Variants in PLEKHA7 observed in about 807,000 individuals in gnomAD.
PLEKHA7 encodes the protein pleckstrin homology domain-containing family A member 7.
A neutral mutation model predicts 170.0 loss-of-function variants in PLEKHA7; 104 were observed. That is an observed-to-expected ratio of 0.61 (90% CI 0.52 to 0.72). The LOEUF is 0.72. PLEKHA7 is among the 30% of genes least tolerant of loss of function. PLEKHA7 has a pLI of 0.00. For synonymous variants in PLEKHA7, 648 were observed against 660.8 expected (o/e 0.98, Z 0.30); for missense variants, 1,615 against 1,671.7 (o/e 0.97, Z 0.59).
chr11:16,956,159 G>C (rs75278841), intron 3 of PLEKHA7, among the ~76,000 whole-genome samples: 1 of 152,068 alleles, frequency 6.6e-6, no homozygotes, highest in Non-Finnish European at 1.5e-5. Flanking sequence ...GAGTATGTAC[G>C]TATGTGTGTG....
intron 3 of PLEKHA7, among the ~76,000 whole-genome samples, chr11:16,927,988 G>A (rs189161260): frequency 6.8e-4 from 103 of 152,216 alleles, no homozygotes; most frequent in African/African-American, 2.4e-3. Context: ...TGTGTGGAGG[G>A]GGAAGGGGGG....
intron 4 of PLEKHA7, among the ~76,000 whole-genome samples, chr11:16,863,922 G>C (rs534704187): frequency 6.6e-6 from 1 of 152,332 alleles, no homozygotes; most frequent in South Asian, 2.1e-4. Flanking sequence ...AAGATAAAAG[G>C]TTTGAGAACA....
intron 3 of PLEKHA7, among the ~76,000 whole-genome samples, chr11:16,888,623 T>C (rs1447033171): frequency 6.6e-6 from 1 of 152,228 alleles, no homozygotes; most frequent in African/African-American, 2.4e-5. Context: ...ATGTGCTTTG[T>C]TAAACAGATG....
chr11:16,814,864 G>A (rs1337615787), intron 12 of PLEKHA7, among the ~76,000 whole-genome samples: 1 of 152,182 alleles, frequency 6.6e-6, no homozygotes, highest in African/African-American at 2.4e-5. Context: ...CAGTGGCCAC[G>A]GGGGCAACAA....
intron 3 of PLEKHA7, among the ~76,000 whole-genome samples, chr11:16,973,931 C>G (rs916504215): frequency 1.3e-5 from 2 of 152,230 alleles, no homozygotes; most frequent in African/African-American, 4.8e-5. Flanking sequence ...CCAGGACATT[C>G]CTGCCATTGT....
At chr11:16,981,033 T>A (rs1268220263) in intron 3 of PLEKHA7, among the ~76,000 whole-genome samples, 1 of 152,112 alleles carries the variant, frequency 6.6e-6, no homozygotes, top group Non-Finnish European at 1.5e-5. Flanking sequence ...GTCCCTCCTC[T>A]TTATGCAGAG....
intron 3 of PLEKHA7, among the ~76,000 whole-genome samples, chr11:16,884,589 T>G (rs927716785): frequency 7.9e-5 from 12 of 151,806 alleles, no homozygotes; most frequent in Non-Finnish European, 1.8e-4. Flanking sequence ...GAGCCGAGAT[T>G]GCATCACTGC....
intron 17 of PLEKHA7, chr11:16,795,341 C>A: frequency 3.5e-6 from 1 of 283,804 alleles, no homozygotes; most frequent in Non-Finnish European, 6.7e-6. Context: ...TTCGTAGAGA[C>A]AGGAAGTACA....
At chr11:16,892,138 C>A (rs1453770147) in intron 3 of PLEKHA7, among the ~76,000 whole-genome samples, 1 of 152,172 alleles carries the variant, frequency 6.6e-6, no homozygotes, top group Non-Finnish European at 1.5e-5. Flanking sequence ...AAACCCCAAG[C>A]ATGCAATCTG....
Position 16,871,174 on chromosome 11 carries a change from T to C in PLEKHA7, c.230A>G (p.Gln77Arg). The C allele has an allele frequency of 6.2e-7, 1 of 1,606,518 alleles. No individual in the cohort carries two copies. The highest frequency in any genetic ancestry group is 8.5e-7 in the Non-Finnish European group (1 of 1,173,274). Residue 77 changes from glutamine (Q) to arginine (R), a missense_variant, in exon 4 of 27, where the codon CAG (glutamine) becomes CGG (arginine). By Grantham distance (43) the Gln-to-Arg change is conservative. Coordinates refer to ENST00000531066, the MANE Select transcript of PLEKHA7 (RefSeq NM_001329630.2). ...EGASYFIDHN[Q>R]QTTAFRHPVT... ...AGGATGCCTGAATGCTGTGGTCTGC[T>C]GGTTATGGCTAAAGAGAAAGAGAGA...
intron 3 of PLEKHA7, among the ~76,000 whole-genome samples, chr11:16,937,074 C>A (rs1263815810): frequency 1.3e-5 from 2 of 152,304 alleles, no homozygotes; most frequent in South Asian, 4.1e-4. Flanking sequence ...AGGTTAATAA[C>A]CTGGAGTCGT....
intron 9 of PLEKHA7, among the ~76,000 whole-genome samples, chr11:16,841,063 C>T (rs1851915793): frequency 2.6e-5 from 4 of 152,162 alleles, no homozygotes; most frequent in Non-Finnish European, 2.9e-5. Context: ...TCTCTCTGAG[C>T]CCTCGACTCC....
chr11:16,989,182 C>A (rs1000476018), intron 3 of PLEKHA7, among the ~76,000 whole-genome samples: 2 of 152,170 alleles, frequency 1.3e-5, no homozygotes, highest in Non-Finnish European at 2.9e-5. Context: ...TGTCCCAGAG[C>A]TAATTTCTCA....
At chr11:16,932,111 G>A (rs113537323) in intron 3 of PLEKHA7, among the ~76,000 whole-genome samples, 1 of 151,958 alleles carries the variant, frequency 6.6e-6, no homozygotes, top group African/African-American at 2.4e-5. Flanking sequence ...TACCAGCTGG[G>A]GGACCCTGGA....
At chr11:16,879,573 G>T (rs924360235) in intron 3 of PLEKHA7, among the ~76,000 whole-genome samples, 1 of 152,094 alleles carries the variant, frequency 6.6e-6, no homozygotes, top group African/African-American at 2.4e-5. Context: ...TGTGGGCAGC[G>T]ACATGGAAAC....
chr11:16,860,205 AG>A (rs1853828180), intron 4 of PLEKHA7, among the ~76,000 whole-genome samples: 1 of 152,232 alleles, frequency 6.6e-6, no homozygotes, highest in Non-Finnish European at 1.5e-5. Flanking sequence ...GAGCCTGAAC[AG>A]GAAGACACTT....
intron 3 of PLEKHA7, among the ~76,000 whole-genome samples, chr11:16,937,855 G>A (rs1333906709): frequency 3.3e-5 from 5 of 152,036 alleles, no homozygotes; most frequent in African/African-American, 7.2e-5. Context: ...TGATCCACCC[G>A]CCTCGGCCTC....
intron 12 of PLEKHA7, among the ~76,000 whole-genome samples, chr11:16,815,766 T>C (rs1257225860): frequency 6.6e-6 from 1 of 152,080 alleles, no homozygotes; most frequent in African/African-American, 2.4e-5. Context: ...TCCACCCACC[T>C]CGGCCTCCCA....
chr11:16,816,151 C>T, intron 12 of PLEKHA7, 27 bp downstream of exon 12: 3 of 1,568,292 alleles, frequency 1.9e-6, no homozygotes, highest in Non-Finnish European at 2.6e-6. Context: ...TAGGGCTTTG[C>T]AGGCTATGTC....
Sources: allele counts gnomAD v4.1 joint callset (sites outside exome capture counted in the v4.1 genomes callset), GRCh38; gene constraint gnomAD v4.1.1; transcripts MANE v1.5; gene names NCBI Gene and HGNC (gene_info 2026-07-23, HGNC 2026-07-21).